GGT5: variants seen among roughly 807,000 people sequenced by gnomAD.
GGT5 encodes the protein glutathione hydrolase 5 proenzyme.
GGT5 carries 50 observed loss-of-function variants against 58.1 expected under a neutral mutation model. The ratio of observed to expected loss-of-function variants is 0.86; its 90% CI spans 0.69 to 1.09. The LOEUF (loss-of-function observed/expected upper bound fraction) is 1.09, where lower values mean the gene tolerates loss of function less well. Among genes scored for constraint, GGT5 ranks in the 50% least tolerant of loss-of-function variants. GGT5 has a pLI of 0.00. For missense variants in GGT5, 800 were observed against 789.4 expected, an observed-to-expected ratio of 1.01 and a Z score of -0.16; for synonymous variants, 370 against 346.1, an observed-to-expected ratio of 1.07 and a Z score of -0.77.
At position 24,233,823 on chromosome 22, in the gene GGT5, A is replaced by C. The variant is rs566397530; in HGVS notation, c.304+51T>G. The C allele has an allele frequency of 7.5e-5, 117 of 1,554,018 alleles. No individual in the cohort carries two copies. In the East Asian group the frequency reaches 2.6e-3, roughly 35 times the overall value. ...GGACTGGCTGGAGAAGGGGTTACGC[A>C]GTGGTGTGGACAAGCCCATCTTCCC... On this transcript the variant is annotated intron_variant, in intron 2 of 11. Transcript: ENST00000327365.
Position 24,244,634 on chromosome 22 carries a change from C to G in GGT5, c.92G>C (p.Arg31Pro), listed in dbSNP as rs760699269. ...CTGGGGGCCACATGGGGCCTGGTGT[C>G]GAGAGAGGACCACAGCCAGCACAAT... ...AVIVLAVVLS[R>P]HQAPCGPQAF... The change falls in exon 1 of 12, where the codon CGA becomes CCA. Residue 31 changes from arginine (R) to proline (P), a missense_variant. Coordinates refer to ENST00000327365, the MANE Select transcript of GGT5 (RefSeq NM_004121.5). The G allele has an allele frequency of 2.7e-5, 43 of 1,612,814 alleles. 1 individual carries two copies. The highest frequency in any genetic ancestry group is 3.7e-4 in the Middle Eastern group (2 of 5,348).
At chr22:24,226,025 G>T in intron 8 of GGT5, 51 bp downstream of exon 8, 1 of 1,315,920 alleles carries the variant, frequency 7.6e-7, no homozygotes. Flanking sequence ...GGGTGTGCAG[G>T]TCTAGGAGAG....
In GGT5 at chr22:24,220,194, T is replaced by C. The variant is rs1376246275; in HGVS notation, c.1615-78A>G. 3 of 1,400,052 alleles carry C rather than the reference T, an allele frequency of 2.1e-6. No homozygotes were observed. The African/African-American group carries it at 4.3e-5, about 20-fold the overall frequency. 86.7% of individuals were successfully genotyped at this position (1,400,052 alleles called of 1,614,324 possible). On this transcript the variant is annotated intron_variant, in intron 11 of 11. Transcript: ENST00000327365. ...AGGAGGGAGAGGCCTCTGCAAGAAA[T>C]GAGAAAAATGATCAAAAGGCAAGAC...
intron 4 of GGT5, 115 bp downstream of exon 4, chr22:24,232,708 C>T (rs941552047): frequency 7.6e-6 from 5 of 658,022 alleles, no homozygotes; most frequent in African/African-American, 7.5e-5. Context: ...TGGCCAGCAC[C>T]CCGAGGGTCA....
At chr22:24,231,673 G>A in intron 5 of GGT5, 143 bp from the exon 6 acceptor site, 2 of 839,494 alleles carry the variant, frequency 2.4e-6, no homozygotes, top group East Asian at 5.4e-5. Flanking sequence ...GTAGGCAGTG[G>A]CCTCAGGACT....
Position 24,221,163 on chromosome 22 carries a change from T to C in GGT5, c.1615-1047A>G, listed in dbSNP as rs1395077352. 2.6e-5 allele frequency among the ~76,000 whole-genome samples: 4 copies of C among 152,310 alleles called. No individual in the cohort carries two copies. In the South Asian group the frequency reaches 6.2e-4, roughly 24 times the overall value. ...TCCTGGGTGTAGGCTGAACTAACTT[T>C]GAGAGAAACTTAGTTTATAGTTTAA... On this transcript the variant is annotated intron_variant, in intron 11 of 11. Coordinates refer to ENST00000327365, the MANE Select transcript of GGT5 (RefSeq NM_004121.5).
At chr22:24,241,908 C>T (rs1231197979) in intron 1 of GGT5, 3 of 151,212 alleles carry the variant, frequency 2.0e-5, no homozygotes, top group Non-Finnish European at 4.4e-5. Flanking sequence ...CCTTTGCCTC[C>T]TGGGTTCAAG....
At position 24,226,636 on chromosome 22, in the gene GGT5, G is replaced by A. The variant is rs1463046976; in HGVS notation, c.1033C>T (p.Leu345Phe). 6.2e-7 allele frequency: 1 copy of A among 1,613,936 alleles called. No homozygotes were observed. The highest frequency in any genetic ancestry group is 1.3e-5 in the African/African-American group (1 of 74,926). ...AGCAACCTCAGCAACCTCACCTGGAGCTTCGGGTGGCTTCGAGGGTCCCCC... is the reference window on the plus strand; with the variant it reads ...AGCAACCTCAGCAACCTCACCTGGAACTTCGGGTGGCTTCGAGGGTCCCCC... ...RLGDPRSHPKLQNASRDLLGE... is the reference protein window; with the variant it reads ...RLGDPRSHPKFQNASRDLLGE... The change falls in exon 7 of 12, where the codon CTC becomes TTC. Residue 345 changes from leucine (L) to phenylalanine (F), a missense_variant. Transcript: ENST00000327365.
intron 1 of GGT5, among the ~76,000 whole-genome samples, chr22:24,239,928 A>C (rs1449637680): frequency 6.6e-6 from 1 of 152,092 alleles, no homozygotes; most frequent in South Asian, 2.1e-4. Flanking sequence ...CTAAAAAAGA[A>C]TACAAAAATT....
At chr22:24,226,032 AGAG>A (rs2047749984) in intron 8 of GGT5, 41 bp downstream of exon 8, 1 of 1,371,164 alleles carries the variant, frequency 7.3e-7, no homozygotes, top group Non-Finnish European at 1.0e-6. Flanking sequence ...CAGGTCTAGG[AGAG>A]GAGGAGTGAA....
rs771180375 is a variant in GGT5 at position 24,226,779 on chromosome 22, T to C, written c.902-12A>G. On this transcript the variant is annotated splice_polypyrimidine_tract_variant and intron_variant, in intron 6 of 11. Transcript: ENST00000327365. ...TGAGAAGTTGAACCCTGGAGAGAGGTTGGGGCACAGGTTGGTTGGGGTCAC... is the reference window on the plus strand; with the variant it reads ...TGAGAAGTTGAACCCTGGAGAGAGGCTGGGGCACAGGTTGGTTGGGGTCAC... 13 of 1,613,662 alleles carry C rather than the reference T, an allele frequency of 8.1e-6. No individual in the cohort carries two copies. The highest frequency in any genetic ancestry group is 6.6e-5 in the South Asian group (6 of 91,052).
chr22:24,224,299 C>T (rs1205434709), intron 11 of GGT5, among the ~76,000 whole-genome samples: 1 of 151,878 alleles, frequency 6.6e-6, no homozygotes, highest in Non-Finnish European at 1.5e-5. Context: ...TGCTTGAGCT[C>T]AGGAGTTCAA....
intron 1 of GGT5, among the ~76,000 whole-genome samples, chr22:24,239,798 T>C (rs887289907): frequency 9.9e-5 from 15 of 151,884 alleles, no homozygotes; most frequent in Non-Finnish European, 1.6e-4. Context: ...TACTAACTCA[T>C]AGGCTGGGCG....
At chr22:24,230,122 CTT>C (rs1194645213) in intron 6 of GGT5, among the ~76,000 whole-genome samples, 2 of 151,524 alleles carry the variant, frequency 1.3e-5, no homozygotes, top group African/African-American at 2.4e-5. Flanking sequence ...AATCCCAGCA[CTT>C]TGGGATGCCG....
chr22:24,240,547 G>A (rs2048300559), intron 1 of GGT5, among the ~76,000 whole-genome samples: 1 of 151,084 alleles, frequency 6.6e-6, no homozygotes, highest in African/African-American at 2.4e-5. Context: ...GGAGTGCAGC[G>A]ACGTGATCTT....
In GGT5 at chr22:24,225,345, G is replaced by GGGAGGAT; in HGVS notation, c.1402_1403insATCCTCC (p.Pro468HisfsTer47). ...CAAGATGGAGGGCACCATGGAGGAT[G>GGGAGGAT]GGGAACGCTCGCCTGGAACTGGGGG... On this transcript the variant is annotated frameshift_variant, in exon 10 of 12. Transcript: ENST00000327365. LOFTEE classifies it high-confidence loss of function. 6.2e-7 allele frequency: 1 copy of GGGAGGAT among 1,613,554 alleles called. No individual in the cohort carries two copies. Among genetic ancestry groups the GGGAGGAT allele is most frequent in the Non-Finnish European group, 8.5e-7 (1 of 1,179,700 alleles).
chr22:24,237,226 T>C (rs949806881), intron 1 of GGT5, among the ~76,000 whole-genome samples: 1 of 151,856 alleles, frequency 6.6e-6, no homozygotes, highest in African/African-American at 2.4e-5. Context: ...GACCTACTCA[T>C]GTGCTGAGGG....
At chr22:24,221,138 TC>T (rs1350305634) in intron 11 of GGT5, among the ~76,000 whole-genome samples, 1 of 152,210 alleles carries the variant, frequency 6.6e-6, no homozygotes, top group African/African-American at 2.4e-5. Flanking sequence ...CCTTGCTCAT[TC>T]CTGGGTGTAG....
intron 2 of GGT5, 77 bp downstream of exon 2, chr22:24,233,797 G>T: frequency 7.1e-7 from 1 of 1,403,562 alleles, no homozygotes; most frequent in Non-Finnish European, 1.0e-6. Context: ...TTGAGTTGAT[G>T]GGACTGGCTG....
Sources: gnomAD v4.1 joint callset for allele counts (sites outside exome capture counted in the v4.1 genomes callset) on GRCh38, gnomAD v4.1.1 for gene constraint, MANE v1.5 for transcripts, NCBI Gene and HGNC (gene_info 2026-07-23, HGNC 2026-07-21) for gene names.